ZRSR2: variants seen among roughly 807,000 people sequenced by gnomAD.
ZRSR2 encodes the protein zinc finger CCCH-type, RNA binding motif and serine/arginine rich 2, also known as U2 small nuclear ribonucleoprotein auxiliary factor 35 kDa subunit-related protein 2.
Under a neutral mutation model 39.4 loss-of-function variants are expected in ZRSR2, and 3 were observed. The ratio of observed to expected loss-of-function variants is 0.08; its 90% CI spans 0.03 to 0.20. The LOEUF (loss-of-function observed/expected upper bound fraction) is 0.20. Ranked by LOEUF, ZRSR2 falls within the 10% of genes least tolerant of loss-of-function variation. ZRSR2 has a pLI of 1.00. For synonymous variants in ZRSR2, 137 were observed against 136.0 expected, an observed-to-expected ratio of 1.01 and a Z score of -0.05; for missense variants, 256 against 391.5, an observed-to-expected ratio of 0.65 and a Z score of 2.92.
chrX:15,812,497 C>T (rs1272961421), intron 7 of ZRSR2, among the ~76,000 whole-genome samples: 1 of 112,049 alleles, frequency 8.9e-6, no homozygotes, highest in African/African-American at 3.2e-5. Flanking sequence ...AGGAACACTT[C>T]CATAACCTCA....
At position 15,790,495 on chromosome X, in the gene ZRSR2, G is replaced by A. The variant is rs939935004; in HGVS notation, c.-1G>A. ...TGGAGGGGCGGGGCGGTGCCGGCAA[G>A]ATGGCTGCGCCCGAGAAGATGACGT... On this transcript the variant is annotated 5_prime_UTR_variant, in exon 1 of 11. Transcript: ENST00000307771. 2.6e-6 allele frequency: 3 copies of A among 1,159,645 alleles called. No homozygotes were observed. Among genetic ancestry groups the A allele is most frequent in the African/African-American group, 1.8e-5 (1 of 55,195 alleles).
chrX:15,811,739 G>A (rs954371225), intron 7 of ZRSR2, among the ~76,000 whole-genome samples: 11 of 110,374 alleles, frequency 1.0e-4, no homozygotes, highest in African/African-American at 2.3e-4. Context: ...TTCTCCTTTT[G>A]TTGGGCATAA....
chrX:15,793,422 C>G (rs938939160), intron 2 of ZRSR2, among the ~76,000 whole-genome samples: 2 of 111,737 alleles, frequency 1.8e-5, no homozygotes, highest in African/African-American at 6.5e-5. Flanking sequence ...GATTATGTAA[C>G]TAATGGCATA....
At chrX:15,820,139 T>A in intron 9 of ZRSR2, 68 bp from the exon 10 acceptor site, 1 of 901,712 alleles carries the variant, frequency 1.1e-6, no homozygotes, top group Non-Finnish European at 1.6e-6. Context: ...CGGGGTTAAT[T>A]AATAGTAGAG....
In ZRSR2 at chrX:15,790,565, C is replaced by T; in HGVS notation, c.41+29C>T. ...AGCGCCGTACGGGGAGATGAGCAGG[C>T]GAGCGGGCCGATCGTGGGCATGGAG... On this transcript the variant is annotated intron_variant, in intron 1 of 10. Transcript: ENST00000307771. 3.5e-6 allele frequency: 4 copies of T among 1,156,907 alleles called. No individual in the cohort carries two copies. The South Asian group carries it at 5.8e-5, about 17-fold the overall frequency.
chrX:15,820,140 A>C (rs1933068352), intron 9 of ZRSR2, 67 bp from the exon 10 acceptor site: 1 of 899,280 alleles, frequency 1.1e-6, no homozygotes, highest in East Asian at 3.1e-5. Flanking sequence ...GGGGTTAATT[A>C]ATAGTAGAGC....
rs944714638 is a variant in ZRSR2, at chrX:15,815,291, G to GT, written c.558-379dup. Among the ~76,000 whole-genome samples the GT allele has an allele frequency of 4.5e-5, 5 of 112,274 alleles. No homozygotes were observed. The Admixed American group carries it at 4.7e-4, about 11-fold the overall frequency. The stretch of plus-strand genomic sequence containing the variant: ...TTCTATCTCAAAATTTAAAGCAAGT[G>GT]TTTTTTTGTTTGTTTTTTGTTTGAG... On this transcript the variant is annotated intron_variant, in intron 7 of 10. Transcript: ENST00000307771.
chrX:15,793,700 G>A (rs1025858363), intron 2 of ZRSR2, among the ~76,000 whole-genome samples: 2 of 111,868 alleles, frequency 1.8e-5, no homozygotes, highest in African/African-American at 3.3e-5. Flanking sequence ...TATCATGCCC[G>A]GCTAATTCTT....
At chrX:15,792,377 C>T (rs1032213139) in intron 2 of ZRSR2, among the ~76,000 whole-genome samples, 1 of 112,153 alleles carries the variant, frequency 8.9e-6, no homozygotes, top group Non-Finnish European at 1.9e-5. Context: ...AGCCGAGATC[C>T]TGCCACTGCA....
chrX:15,798,707 AG>A (rs1932560793), intron 2 of ZRSR2, among the ~76,000 whole-genome samples: 1 of 112,226 alleles, frequency 8.9e-6, no homozygotes, highest in African/African-American at 3.2e-5. Context: ...GAAAAACTCA[AG>A]CCAGTTATCT....
chrX:15,790,955 C>T lies in ZRSR2; in HGVS notation c.63C>T (p.Ala21=). 3.3e-6 allele frequency: 4 copies of T among 1,211,027 alleles called. No homozygotes were observed. The highest frequency in any genetic ancestry group is 3.4e-6 in the Non-Finnish European group (3 of 895,161). The change falls in exon 2 of 11, where the codon GCC becomes GCT. Residue 21 remains alanine, a synonymous_variant. Transcript: ENST00000307771. ...CCAGCCACAAAAAGTACAGGGCCGC[C>T]CTGAAGAAGGAGAAACGAAAGAAAC... The part of the protein sequence containing the change: ...EKPSHKKYRA[A]LKKEKRKKRR...
chrX:15,795,529 T>C, intron 2 of ZRSR2, among the ~76,000 whole-genome samples: 1 of 111,816 alleles, frequency 8.9e-6, no homozygotes, highest in Non-Finnish European at 1.9e-5. Flanking sequence ...AGGTACTTCC[T>C]GACTTCAGGG....
intron 10 of ZRSR2, among the ~76,000 whole-genome samples, chrX:15,821,246 T>C (rs142196671): frequency 1.4e-3 from 160 of 110,855 alleles, no homozygotes; most frequent in African/African-American, 5.1e-3. Flanking sequence ...CAGTTACTTT[T>C]GTCAGTTCCT....
chrX:15,804,310 A>G, intron 5 of ZRSR2, 113 bp downstream of exon 5: 2 of 1,055,121 alleles, frequency 1.9e-6, no homozygotes, highest in Non-Finnish European at 2.5e-6. Flanking sequence ...GTTTGTTTGG[A>G]AAGAATCATA....
Position 15,820,309 on chromosome X carries a change from G to C in ZRSR2, c.930G>C (p.Ala310=), listed in dbSNP as rs142064485. ...GCCCCGTGACCCGGTGGAAAATGGC[G>C]ATTTGTGGTAAAAGACAAAGTGATG... ...EFCPVTRWKM[A]ICGLFEIQQC... The change falls in exon 10 of 11, where the codon GCG becomes GCC. Residue 310 remains alanine, a synonymous_variant. Coordinates refer to ENST00000307771, the MANE Select transcript of ZRSR2 (RefSeq NM_005089.4). 1 of 1,206,783 alleles carries C rather than the reference G, an allele frequency of 8.3e-7. No homozygotes were observed. Among genetic ancestry groups the C allele is most frequent in the Non-Finnish European group, 1.1e-6 (1 of 891,060 alleles).
At chrX:15,808,604 C>G (rs1319687105) in intron 6 of ZRSR2, among the ~76,000 whole-genome samples, 1 of 108,475 alleles carries the variant, frequency 9.2e-6, no homozygotes. Context: ...GTTCTTGGAC[C>G]CTTTTTTTTC....
intron 8 of ZRSR2, 59 bp downstream of exon 8, chrX:15,815,949 C>A: frequency 9.9e-7 from 1 of 1,014,222 alleles, no homozygotes. Context: ...CTTAATGGCA[C>A]AAGAGAGCTG....
At chrX:15,822,552 C>T (rs749744899) in intron 10 of ZRSR2, among the ~76,000 whole-genome samples, 179 bp from the exon 11 acceptor site, 2 of 112,446 alleles carry the variant, frequency 1.8e-5, no homozygotes, top group East Asian at 2.8e-4. Flanking sequence ...TATTAGAGCA[C>T]GTTTGAAATC....
At chrX:15,791,180 T>C (rs1322440416) in intron 2 of ZRSR2, among the ~76,000 whole-genome samples, 167 bp downstream of exon 2, 3 of 112,033 alleles carry the variant, frequency 2.7e-5, no homozygotes, top group Non-Finnish European at 5.6e-5. Flanking sequence ...AGAAACAATG[T>C]TAACATACTA....
Sources: gnomAD v4.1 joint callset for allele counts (sites outside exome capture counted in the v4.1 genomes callset) on GRCh38, gnomAD v4.1.1 for gene constraint, MANE v1.5 for transcripts, NCBI Gene and HGNC (gene_info 2026-07-23, HGNC 2026-07-21) for gene names.